The following ZNF480 variants were observed in gnomAD, a reference collection of about 807,000 sequenced individuals.
ZNF480 encodes zinc finger protein 480.
ZNF480 carries 15 observed loss-of-function variants against 14.4 expected under a neutral mutation model. The ratio of observed to expected loss-of-function variants is 1.04; its 90% CI spans 0.70 to 1.60. The LOEUF is 1.60. Among genes scored for constraint, ZNF480 ranks in the 40% most tolerant of loss-of-function variants. The pLI is 0.00. For missense variants in ZNF480, 593 were observed against 629.7 expected (o/e 0.94, Z 0.62); for synonymous variants, 218 against 215.5 (o/e 1.01, Z -0.10).
At chr19:52,311,452 ACAGGTGGAGC>A (rs1287587307) in intron 2 of ZNF480, among the ~76,000 whole-genome samples, 1 of 152,200 alleles carries the variant, frequency 6.6e-6, no homozygotes, top group Non-Finnish European at 1.5e-5. Flanking sequence ...TGCTGGGATT[ACAGGTGGAGC>A]CACCATGCCC....
intron 2 of ZNF480, chr19:52,308,830 C>A (rs987127065): frequency 8.1e-5 from 11 of 136,076 alleles, no homozygotes; most frequent in Admixed American, 7.5e-4. Context: ...AGGAGGAAAT[C>A]ATATTCTTGT....
At chr19:52,311,688 T>C (rs1056210015) in intron 2 of ZNF480, among the ~76,000 whole-genome samples, 1 of 152,154 alleles carries the variant, frequency 6.6e-6, no homozygotes, top group African/African-American at 2.4e-5. Flanking sequence ...AACCTTTAGT[T>C]CCAGATACTT....
intron 4 of ZNF480, 138 bp downstream of exon 4, chr19:52,316,100 C>A: frequency 1.1e-6 from 1 of 885,074 alleles, no homozygotes; most frequent in Non-Finnish European, 1.6e-6. Flanking sequence ...TGTCATGAAA[C>A]AGAGCCTGAG....
intron 2 of ZNF480, among the ~76,000 whole-genome samples, chr19:52,304,009 T>G (rs2122519712): frequency 6.6e-6 from 1 of 152,302 alleles, no homozygotes; most frequent in African/African-American, 2.4e-5. Context: ...GGAGTAATAT[T>G]TCCTGAGTGG....
At position 52,304,508 on chromosome 19, in the gene ZNF480, G is replaced by A. The variant is rs540689220; in HGVS notation, c.72+4024G>A. Among the ~76,000 whole-genome samples, 8 of 152,014 alleles carry A rather than the reference G, an allele frequency of 5.3e-5. No individual in the cohort carries two copies. The South Asian group carries it at 8.3e-4, about 16-fold the overall frequency. On this transcript the variant is annotated intron_variant, in intron 2 of 4. Transcript: ENST00000595962. The stretch of plus-strand genomic sequence containing the variant: ...AGCCTCCAGTTTCTCTTTACTTAGC[G>A]GCCATTGTTTTATCCAAGTTGGTTT...
intron 2 of ZNF480, among the ~76,000 whole-genome samples, chr19:52,310,475 ATT>A (rs1000739234): frequency 2.0e-5 from 3 of 147,074 alleles, no homozygotes; most frequent in African/African-American, 5.0e-5. Flanking sequence ...ACCCCAACTA[ATT>A]TTTTTTTTTT....
At chr19:52,313,087 G>C (rs1373274991) in intron 2 of ZNF480, among the ~76,000 whole-genome samples, 2 of 149,306 alleles carry the variant, frequency 1.3e-5, no homozygotes, top group East Asian at 2.0e-4. Context: ...TCCCAAAATG[G>C]TGGGATTACA....
At chr19:52,319,599 T>C (rs1983710805) in intron 4 of ZNF480, among the ~76,000 whole-genome samples, 1 of 152,172 alleles carries the variant, frequency 6.6e-6, no homozygotes, top group Non-Finnish European at 1.5e-5. Context: ...TCAAGCTTCT[T>C]GAATTGTATA....
chr19:52,322,540 T>G lies in ZNF480; in HGVS notation c.1290T>G (p.Asn430Lys). The G allele has an allele frequency of 6.2e-7, 1 of 1,614,082 alleles. No individual in the cohort carries two copies. The highest frequency in any genetic ancestry group is 8.5e-7 in the Non-Finnish European group (1 of 1,180,006). The change falls in exon 5 of 5, where the codon AAT (asparagine) becomes AAG (lysine). Residue 430 changes from asparagine (N) to lysine (K), a missense_variant. Transcript: ENST00000595962. ...CTGGAGAGAAGCCTTACAAATGTAA[T>G]GAATGTGGTAAAGCATTTAGTGAGT... ...IHTGEKPYKC[N>K]ECGKAFSEYS...
rs1242555090 is a variant in ZNF480, at chr19:52,322,443, C to T, written c.1193C>T (p.Pro398Leu). 2 of 1,613,934 alleles carry T rather than the reference C, an allele frequency of 1.2e-6. No homozygotes were observed. The change falls in exon 5 of 5, where the codon CCT becomes CTT. Residue 398 changes from proline to leucine, a missense_variant. Transcript: ENST00000595962. ...QHWRIHTGEK[P>L]YKCNECGKVF... is the part of the protein sequence containing the mutation. ...TGGAGAATTCATACAGGAGAGAAAC[C>T]TTACAAATGTAATGAATGTGGAAAA...
intron 1 of ZNF480, among the ~76,000 whole-genome samples, chr19:52,300,035 C>G (rs1163229813): frequency 6.6e-6 from 1 of 152,198 alleles, no homozygotes; most frequent in Non-Finnish European, 1.5e-5. Flanking sequence ...GCTCTGTGTC[C>G]TCCATTTCTG....
chr19:52,322,092 A>AT lies in ZNF480; in HGVS notation c.843dup (p.Thr282TyrfsTer7), dbSNP rs1568636988. 6.2e-7 allele frequency: 1 copy of AT among 1,614,108 alleles called. No homozygotes were observed. ...AACTTTGCACGACATCAAAGAATTC[A>AT]TACCAGAGAGAAGCCGTATGAATGT... is the stretch of plus-strand genomic sequence containing the variant. On this transcript the variant is annotated frameshift_variant, in exon 5 of 5. Coordinates refer to ENST00000595962, the MANE Select transcript of ZNF480 (RefSeq NM_144684.4). LOFTEE classifies it low-confidence loss of function (END_TRUNC).
At position 52,322,865 on chromosome 19, in the gene ZNF480, C is replaced by A. The variant is rs1185230385; in HGVS notation, c.*7C>A. 4 of 1,541,736 alleles carry A rather than the reference C, an allele frequency of 2.6e-6. No individual in the cohort carries two copies. Among genetic ancestry groups the A allele is most frequent in the Non-Finnish European group, 3.5e-6 (4 of 1,142,250 alleles). On this transcript the variant is annotated 3_prime_UTR_variant, in exon 5 of 5. Coordinates refer to ENST00000595962, the MANE Select transcript of ZNF480 (RefSeq NM_144684.4). ...GACAATTCATATGGGATAGAAACTA[C>A]AAATGCAACAAATGCGTCAAAGAAT...
At chr19:52,309,345 G>T (rs1315438549) in intron 2 of ZNF480, among the ~76,000 whole-genome samples, 2 of 152,162 alleles carry the variant, frequency 1.3e-5, no homozygotes, top group Non-Finnish European at 2.9e-5. Context: ...GGGTGACCAG[G>T]TTCTGCTGAG....
At position 52,322,094 on chromosome 19, in the gene ZNF480, AC is replaced by A. The variant is rs771042432; in HGVS notation, c.846del (p.Arg283GlufsTer48). The A allele has an allele frequency of 6.2e-7, 1 of 1,614,082 alleles. No homozygotes were observed. Among genetic ancestry groups the A allele is most frequent in the East Asian group, 2.2e-5 (1 of 44,858 alleles). ...CTTTGCACGACATCAAAGAATTCAT[AC>A]CAGAGAGAAGCCGTATGAATGTAAT... ...SNFARHQRIH[T>X]REKPYECNEC... On this transcript the variant is annotated frameshift_variant, in exon 5 of 5. Coordinates refer to ENST00000595962, the MANE Select transcript of ZNF480 (RefSeq NM_144684.4). LOFTEE classifies it low-confidence loss of function (END_TRUNC).
At chr19:52,301,453 T>G (rs1307188630) in intron 2 of ZNF480, 2 of 152,218 alleles carry the variant, frequency 1.3e-5, no homozygotes, top group African/African-American at 4.8e-5. Context: ...ATGCTCTGTT[T>G]CATTATACAG....
chr19:52,298,217 G>C (rs776217202), intron 1 of ZNF480, among the ~76,000 whole-genome samples: 4 of 152,020 alleles, frequency 2.6e-5, no homozygotes, highest in Non-Finnish European at 5.9e-5. Flanking sequence ...GTGACAACGA[G>C]AGCAGAGGGA....
At position 52,322,837 on chromosome 19, in the gene ZNF480, T is replaced by C. The variant is rs771621949; in HGVS notation, c.1587T>C (p.His529=). Reference sequence around the variant, plus strand: ...GTCGCATTTCATACCTAGCACAACATTGGACAATTCATATGGGATAGAAAC... The same window carrying C: ...GTCGCATTTCATACCTAGCACAACACTGGACAATTCATATGGGATAGAAAC... ...AFSRISYLAQ[H]WTIHMG Residue 529 remains histidine, a synonymous_variant, in exon 5 of 5, where the codon CAT becomes CAC. Coordinates refer to ENST00000595962, the MANE Select transcript of ZNF480 (RefSeq NM_144684.4). The C allele has an allele frequency of 1.9e-6, 3 of 1,592,086 alleles. No individual in the cohort carries two copies. The highest frequency in any genetic ancestry group is 2.6e-6 in the Non-Finnish European group (3 of 1,166,904).
intron 2 of ZNF480, chr19:52,301,809 G>C (rs1430650305): frequency 6.6e-6 from 1 of 152,322 alleles, no homozygotes; most frequent in African/African-American, 2.4e-5. Context: ...TGTATGCACA[G>C]AAGGAGAGGC....
Sources: allele counts gnomAD v4.1 joint callset (sites outside exome capture counted in the v4.1 genomes callset), GRCh38; gene constraint gnomAD v4.1.1; transcripts MANE v1.5; gene names NCBI Gene and HGNC (gene_info 2026-07-23, HGNC 2026-07-21).